Variants in EXOC6B observed in about 807,000 individuals in gnomAD.
EXOC6B encodes the protein exocyst complex component 6B, also known as SEC15 homolog B.
A neutral mutation model predicts 113.5 loss-of-function variants in EXOC6B; 54 were observed. The ratio of observed to expected loss-of-function variants is 0.48; its 90% CI spans 0.38 to 0.60. The LOEUF is 0.60. Ranked by LOEUF, EXOC6B falls within the 20% of genes least tolerant of loss-of-function variation. The pLI is 0.00. For missense variants in EXOC6B, 797 were observed against 977.5 expected, an observed-to-expected ratio of 0.82 and a Z score of 2.46; for synonymous variants, 357 against 339.0, an observed-to-expected ratio of 1.05 and a Z score of -0.58.
At chr2:72,715,868 T>C (rs1156707992) in intron 6 of EXOC6B, among the ~76,000 whole-genome samples, 1 of 152,070 alleles carries the variant, frequency 6.6e-6, no homozygotes, top group Non-Finnish European at 1.5e-5. Context: ...AGATACTAGA[T>C]TTTGAAATGG....
At chr2:72,238,130 T>A (rs778914385) in intron 20 of EXOC6B, among the ~76,000 whole-genome samples, 54 of 152,230 alleles carry the variant, frequency 3.5e-4, no homozygotes, top group Non-Finnish European at 6.6e-4. Flanking sequence ...TAGATTTGCC[T>A]ATTCTGAACA....
chr2:72,583,675 T>C (rs374184360), intron 6 of EXOC6B, among the ~76,000 whole-genome samples: 1 of 152,262 alleles, frequency 6.6e-6, no homozygotes, highest in South Asian at 2.1e-4. Flanking sequence ...TTGTTACCAC[T>C]AGGCCTACCT....
At chr2:72,435,651 T>C (rs1695808306) in intron 18 of EXOC6B, among the ~76,000 whole-genome samples, 1 of 151,732 alleles carries the variant, frequency 6.6e-6, no homozygotes, top group South Asian at 2.1e-4. Context: ...TCCCCTTCTT[T>C]GTCTTTTTTG....
intron 18 of EXOC6B, chr2:72,464,838 A>G (rs1697935964): frequency 3.2e-6 from 1 of 316,698 alleles, no homozygotes; most frequent in Non-Finnish European, 5.7e-6. Flanking sequence ...TAAAATATAC[A>G]TATCTGAAAT....
At chr2:72,799,791 C>A (rs1459405726) in intron 1 of EXOC6B, among the ~76,000 whole-genome samples, 2 of 152,022 alleles carry the variant, frequency 1.3e-5, no homozygotes, top group Non-Finnish European at 2.9e-5. Flanking sequence ...GTGGCTCAAC[C>A]TGGTGGCTCA....
At chr2:72,689,280 T>A (rs1385345544) in intron 6 of EXOC6B, among the ~76,000 whole-genome samples, 4 of 152,182 alleles carry the variant, frequency 2.6e-5, no homozygotes, top group African/African-American at 9.7e-5. Context: ...AGCATCCTTT[T>A]AGGTTACTCT....
At chr2:72,401,668 T>C (rs1356562560) in intron 18 of EXOC6B, among the ~76,000 whole-genome samples, 1 of 83,510 alleles carries the variant, frequency 1.2e-5, no homozygotes, top group African/African-American at 6.1e-5. Flanking sequence ...TATATATATG[T>C]ATATATATAT....
chr2:72,413,084 C>T (rs112350586), intron 18 of EXOC6B, among the ~76,000 whole-genome samples: 33,268 of 151,864 alleles, frequency 0.22, 7,049 homozygotes, highest in African/African-American at 0.56. Flanking sequence ...TCAGCCTCCT[C>T]AGTAGCTGGG....
chr2:72,490,527 G>A (rs548504872), intron 16 of EXOC6B, among the ~76,000 whole-genome samples: 41 of 152,058 alleles, frequency 2.7e-4, no homozygotes, highest in Non-Finnish European at 3.1e-4. Context: ...AGTGTATCTC[G>A]TTAGTAATAA....
In EXOC6B at chr2:72,317,463, T is replaced by C. The variant is rs534258173; in HGVS notation, c.2196+17484A>G. Among the ~76,000 whole-genome samples the C allele has an allele frequency of 3.9e-5, 6 of 151,972 alleles. No homozygotes were observed. In the South Asian group the frequency reaches 1.2e-3, roughly 32 times the overall value. On this transcript the variant is annotated intron_variant, in intron 20 of 21. Transcript: ENST00000272427. Reference sequence around the variant, plus strand: ...CAGAAAAAACACACAGAAAACCACCTTGTCCCATTTAATTATTTCTCTCAG... The same window carrying C: ...CAGAAAAAACACACAGAAAACCACCCTGTCCCATTTAATTATTTCTCTCAG...
chr2:72,423,246 C>A (rs539773718), intron 18 of EXOC6B, among the ~76,000 whole-genome samples: 1 of 151,916 alleles, frequency 6.6e-6, no homozygotes. Flanking sequence ...ACGAACCCAC[C>A]AGAAGGAAGA....
intron 6 of EXOC6B, among the ~76,000 whole-genome samples, chr2:72,708,781 C>G (rs1392938766): frequency 3.9e-5 from 6 of 151,946 alleles, no homozygotes; most frequent in Admixed American, 3.9e-4. Flanking sequence ...CCAGGCTGGA[C>G]TACACTGCTG....
chr2:72,754,373 C>G (rs1191993337), intron 1 of EXOC6B, among the ~76,000 whole-genome samples: 1 of 152,030 alleles, frequency 6.6e-6, no homozygotes, highest in South Asian at 2.1e-4. Flanking sequence ...TATGAGGCAT[C>G]TTTTCCCAAA....
At chr2:72,709,082 T>C (rs1204387422) in intron 6 of EXOC6B, among the ~76,000 whole-genome samples, 2 of 151,898 alleles carry the variant, frequency 1.3e-5, no homozygotes, top group African/African-American at 4.8e-5. Context: ...TTTAGGGTTA[T>C]TTGCTAAAAC....
rs1233225023 is a variant in EXOC6B, at chr2:72,797,689, C to G, written c.113+28109G>C. On this transcript the variant is annotated intron_variant, in intron 1 of 21. Coordinates refer to ENST00000272427, the MANE Select transcript of EXOC6B (RefSeq NM_015189.3). The stretch of plus-strand genomic sequence containing the variant: ...ATTAGCCAGCCATGGTGGCAGGCAC[C>G]TGTAATCCCAGCTACTCAGGAGGCT... Among the ~76,000 whole-genome samples the G allele has an allele frequency of 8.5e-5, 13 of 152,272 alleles. No homozygotes were observed. The East Asian group carries it at 2.5e-3, about 29-fold the overall frequency.
intron 6 of EXOC6B, among the ~76,000 whole-genome samples, chr2:72,687,326 T>C (rs1169564941): frequency 6.6e-6 from 1 of 152,190 alleles, no homozygotes; most frequent in Non-Finnish European, 1.5e-5. Context: ...TTTTGTTCAA[T>C]ACTGTTGGCT....
At position 72,667,139 on chromosome 2, in the gene EXOC6B, A is replaced by C. The variant is rs373594674; in HGVS notation, c.669+50964T>G. On this transcript the variant is annotated intron_variant, in intron 6 of 21. Transcript: ENST00000272427. The stretch of plus-strand genomic sequence containing the variant: ...TTGTCTCCCAAAGTGATGGGATTAC[A>C]GGCGTGAGCCATCATGCCCGACCAA... Among the ~76,000 whole-genome samples the C allele has an allele frequency of 1.5e-4, 23 of 152,336 alleles. 2 individuals carry two copies. The highest frequency in any genetic ancestry group is 4.6e-4 in the African/African-American group (19 of 41,578).
intron 17 of EXOC6B, among the ~76,000 whole-genome samples, chr2:72,465,813 AAC>A (rs1189468093): frequency 5.9e-5 from 9 of 152,156 alleles, no homozygotes; most frequent in Non-Finnish European, 1.0e-4. Context: ...GATCTTCCTT[AAC>A]TTCTGTTAAA....
intron 20 of EXOC6B, among the ~76,000 whole-genome samples, chr2:72,214,435 G>T (rs1030119010): frequency 6.6e-6 from 1 of 150,610 alleles, no homozygotes; most frequent in Non-Finnish European, 1.5e-5. Flanking sequence ...AGCTTGCAGT[G>T]AGCCAAGATT....
Sources: gnomAD v4.1 joint callset for allele counts (sites outside exome capture counted in the v4.1 genomes callset) on GRCh38, gnomAD v4.1.1 for gene constraint, MANE v1.5 for transcripts, NCBI Gene and HGNC (gene_info 2026-07-23, HGNC 2026-07-21) for gene names.